USP45: variants seen among roughly 807,000 people sequenced by gnomAD.
USP45 encodes ubiquitin specific peptidase 45.
USP45 carries 89 observed loss-of-function variants against 95.8 expected under a neutral mutation model. The ratio of observed to expected loss-of-function variants is 0.93; its 90% confidence interval spans 0.78 to 1.11. The LOEUF is 1.11. Among genes scored for constraint, USP45 ranks in the 50% least tolerant of loss-of-function variants. The pLI is 0.00. For synonymous variants in USP45, 281 were observed against 316.2 expected, an observed-to-expected ratio of 0.89 and a Z score of 1.18; for missense variants, 898 against 942.5, an observed-to-expected ratio of 0.95 and a Z score of 0.62.
chr6:99,515,258 G>A (rs1800931458), intron 1 of USP45, 134 bp downstream of exon 1: 1 of 152,194 alleles, frequency 6.6e-6, no homozygotes, highest in African/African-American at 2.4e-5. Flanking sequence ...CAGGGATCAG[G>A]AAGCCGAGTG....
In USP45 at chr6:99,488,827, G is replaced by A. The variant is rs1376304589; in HGVS notation, c.479-7C>T. 2 of 1,547,428 alleles carry A rather than the reference G, an allele frequency of 1.3e-6. No homozygotes were observed. The highest frequency in any genetic ancestry group is 2.1e-5 in the Admixed American group (1 of 47,118). On this transcript the variant is annotated splice_region_variant and splice_polypyrimidine_tract_variant and intron_variant, in intron 5 of 17. Coordinates refer to ENST00000500704, the MANE Select transcript of USP45 (RefSeq NM_001346022.3). ...ATGATTCTAGAAAATGCACCTACAA[G>A]TTAGAGAAAAAATAACTGACACAAG...
At chr6:99,509,043 A>G (rs1799164511) in intron 2 of USP45, among the ~76,000 whole-genome samples, 13 of 152,208 alleles carry the variant, frequency 8.5e-5, no homozygotes. Flanking sequence ...TGGACAGCAC[A>G]TAGAGTGGTG....
intron 13 of USP45, among the ~76,000 whole-genome samples, chr6:99,463,646 T>A (rs765642416): frequency 1.8e-4 from 27 of 151,688 alleles, no homozygotes; most frequent in Non-Finnish European, 2.2e-4. Flanking sequence ...ACCTGGTCTC[T>A]ACTAAAAATA....
At chr6:99,441,740 T>C (rs945788240) in intron 15 of USP45, among the ~76,000 whole-genome samples, 2 of 152,198 alleles carry the variant, frequency 1.3e-5, no homozygotes, top group Non-Finnish European at 2.9e-5. Context: ...CTGGGAAGGA[T>C]GGACCTTTTT....
chr6:99,480,883 T>C (rs1214073315), intron 8 of USP45, among the ~76,000 whole-genome samples: 3 of 152,146 alleles, frequency 2.0e-5, no homozygotes, highest in Admixed American at 2.0e-4. Flanking sequence ...AAAAAATATA[T>C]TTGTCTAATG....
At chr6:99,484,380 T>C (rs1583295611) in intron 7 of USP45, among the ~76,000 whole-genome samples, 1 of 117,220 alleles carries the variant, frequency 8.5e-6, no homozygotes, top group South Asian at 2.6e-4. Context: ...GGGTCTCACT[T>C]TGTTGCCCAG....
At chr6:99,456,116 G>C (rs1462993635) in intron 13 of USP45, among the ~76,000 whole-genome samples, 2 of 114,596 alleles carry the variant, frequency 1.7e-5, no homozygotes, top group East Asian at 2.9e-4. Context: ...CTGGGCAACA[G>C]AGCGAGACTC....
upstream of USP45, among the ~76,000 whole-genome samples, chr6:99,516,465 A>T (rs1198953105): frequency 6.6e-6 from 1 of 152,170 alleles, no homozygotes; most frequent in East Asian, 1.9e-4. Flanking sequence ...GCAAACACTA[A>T]ATTTTTCTTT....
At chr6:99,464,932 C>T in intron 12 of USP45, 148 bp downstream of exon 12, 1 of 942,656 alleles carries the variant, frequency 1.1e-6, no homozygotes, top group Non-Finnish European at 1.5e-6. Flanking sequence ...TTACACAAAC[C>T]CCCAAATCAG....
intron 13 of USP45, among the ~76,000 whole-genome samples, chr6:99,455,036 G>A (rs1003651800): frequency 1.4e-5 from 2 of 144,342 alleles, no homozygotes; most frequent in African/African-American, 2.5e-5. Context: ...GTTGCAGTGA[G>A]CCAAGATCAC....
At chr6:99,489,800 A>G (rs1416839628) in intron 5 of USP45, among the ~76,000 whole-genome samples, 1 of 152,024 alleles carries the variant, frequency 6.6e-6, no homozygotes, top group Non-Finnish European at 1.5e-5. Context: ...TACAAAAATT[A>G]GCTGGGCGTG....
At chr6:99,516,715 A>T (rs1801137603), upstream of USP45, among the ~76,000 whole-genome samples, 2 of 151,978 alleles carry the variant, frequency 1.3e-5, no homozygotes. Context: ...TTGAAGGCAA[A>T]ATTGTCTACT....
At chr6:99,463,248 A>T (rs11154866) in intron 13 of USP45, among the ~76,000 whole-genome samples, 2 of 152,034 alleles carry the variant, frequency 1.3e-5, no homozygotes, top group African/African-American at 2.4e-5. Context: ...TCCCTAGTAA[A>T]ATAATAGATC....
chr6:99,445,962 A>G lies in USP45; in HGVS notation c.1810T>C (p.Phe604Leu). Residue 604 changes from phenylalanine to leucine, a missense_variant, in exon 14 of 18, where the codon TTT becomes CTT. Coordinates refer to ENST00000500704, the MANE Select transcript of USP45 (RefSeq NM_001346022.3). ...ATATAGCTCTGAGAAAGGGTCTGAA[A>G]AGCATTTTGGGGACTATAAGACCTC... Reference protein sequence around the residue: ...HLRSYSPQNAFQTLSQSYITT... With the variant: ...HLRSYSPQNALQTLSQSYITT... 6.2e-7 allele frequency: 1 copy of G among 1,614,088 alleles called. No homozygotes were observed. Among genetic ancestry groups the G allele is most frequent in the Admixed American group, 1.7e-5 (1 of 60,006 alleles).
chr6:99,450,574 G>A (rs1783627545), intron 13 of USP45, among the ~76,000 whole-genome samples: 1 of 152,198 alleles, frequency 6.6e-6, no homozygotes, highest in Non-Finnish European at 1.5e-5. Context: ...TTGAGGACCA[G>A]ACGGATTCAC....
chr6:99,476,192 T>C lies in USP45; in HGVS notation c.884A>G (p.Gln295Arg). 1 of 1,614,130 alleles carries C rather than the reference T, an allele frequency of 6.2e-7. No individual in the cohort carries two copies. Among genetic ancestry groups the C allele is most frequent in the Non-Finnish European group, 8.5e-7 (1 of 1,179,988 alleles). ...ATCCAGAAGATAATGAAGAAGCTCC[T>C]GACTGTCCTGTTGCTGGAAATCTTT... is the stretch of plus-strand genomic sequence containing the variant. ...RFKDFQQQDSQELLHYLLDAV... is the reference protein window; with the variant it reads ...RFKDFQQQDSRELLHYLLDAV... Residue 295 changes from glutamine (Q) to arginine (R), a missense_variant, in exon 9 of 18, where the codon CAG (glutamine) becomes CGG (arginine). Transcript: ENST00000500704.
intron 15 of USP45, among the ~76,000 whole-genome samples, chr6:99,443,363 A>G (rs1397186102): frequency 6.6e-6 from 1 of 152,166 alleles, no homozygotes; most frequent in Non-Finnish European, 1.5e-5. Flanking sequence ...CTGCTGCCTA[A>G]ATTTTCAAAT....
At chr6:99,468,733 G>A in intron 9 of USP45, 115 bp from the exon 10 acceptor site, 1 of 614,556 alleles carries the variant, frequency 1.6e-6, no homozygotes, top group Non-Finnish European at 2.6e-6. Context: ...TCCCTAGTTT[G>A]AAAATAAAAT....
intron 13 of USP45, among the ~76,000 whole-genome samples, chr6:99,464,314 A>G (rs933789165): frequency 6.6e-6 from 1 of 152,180 alleles, no homozygotes; most frequent in Non-Finnish European, 1.5e-5. Flanking sequence ...CTTAAAAAAC[A>G]AACAAACAAA....
Sources: allele counts gnomAD v4.1 joint callset (sites outside exome capture counted in the v4.1 genomes callset), GRCh38; gene constraint gnomAD v4.1.1; transcripts MANE v1.5; gene names NCBI Gene and HGNC (gene_info 2026-07-23, HGNC 2026-07-21).